Variants in CHN1 observed in about 807,000 individuals in gnomAD.
CHN1 encodes the protein N-chimaerin.
CHN1 carries 37 observed loss-of-function variants against 59.5 expected under a neutral mutation model. The ratio of observed to expected loss-of-function variants is 0.62; its 90% confidence interval spans 0.48 to 0.82. CHN1 has a LOEUF of 0.82. Ranked by LOEUF, CHN1 falls within the 40% of genes least tolerant of loss-of-function variation. The pLI is 0.00. For missense variants in CHN1, 469 were observed against 571.0 expected (o/e 0.82, Z 1.82); for synonymous variants, 206 against 200.4 (o/e 1.03, Z -0.24).
intron 1 of CHN1, among the ~76,000 whole-genome samples, chr2:174,978,024 T>C (rs1242274369): frequency 2.0e-5 from 3 of 152,206 alleles, no homozygotes; most frequent in Non-Finnish European, 4.4e-5. Flanking sequence ...TGTCAAAGTA[T>C]ATAAAGATTT....
chr2:174,819,318 C>G (rs1685397168), intron 8 of CHN1, among the ~76,000 whole-genome samples: 1 of 152,194 alleles, frequency 6.6e-6, no homozygotes, highest in South Asian at 2.1e-4. Context: ...TAAATACTTA[C>G]AGTTTATTAT....
At chr2:174,849,648 T>C (rs932635664) in intron 6 of CHN1, among the ~76,000 whole-genome samples, 2 of 152,200 alleles carry the variant, frequency 1.3e-5, no homozygotes, top group East Asian at 1.9e-4. Context: ...TACTCATATA[T>C]AGAATCTATT....
chr2:174,887,704 C>A (rs538333705), intron 5 of CHN1, among the ~76,000 whole-genome samples: 1 of 152,290 alleles, frequency 6.6e-6, no homozygotes, highest in South Asian at 2.1e-4. Flanking sequence ...GGCTATGTAT[C>A]TTTTAGAGCA....
chr2:174,914,740 G>C (rs1005554240), intron 5 of CHN1, among the ~76,000 whole-genome samples: 7 of 151,558 alleles, frequency 4.6e-5, no homozygotes, highest in Admixed American at 1.3e-4. Flanking sequence ...CTACTCGGGA[G>C]GCTGAGGCAG....
intron 3 of CHN1, among the ~76,000 whole-genome samples, chr2:174,923,509 C>A (rs951663909): frequency 4.6e-5 from 7 of 152,070 alleles, no homozygotes; most frequent in African/African-American, 1.7e-4. Flanking sequence ...GAATGGGGTC[C>A]CCCAACATTT....
chr2:174,986,578 T>C (rs1309953835), intron 1 of CHN1, among the ~76,000 whole-genome samples: 1 of 152,074 alleles, frequency 6.6e-6, no homozygotes, highest in Non-Finnish European at 1.5e-5. Flanking sequence ...CACGTGGTTC[T>C]ACTTATAAAC....
At chr2:174,829,961 TATG>T (rs1685816082) in intron 7 of CHN1, among the ~76,000 whole-genome samples, 1 of 152,208 alleles carries the variant, frequency 6.6e-6, no homozygotes, top group South Asian at 2.1e-4. Context: ...TTTTGGTCCA[TATG>T]ATATGGAATT....
chr2:174,845,560 A>G (rs1451856504), intron 7 of CHN1, among the ~76,000 whole-genome samples: 4 of 152,156 alleles, frequency 2.6e-5, no homozygotes, highest in African/African-American at 9.6e-5. Flanking sequence ...AGTTGCCTCT[A>G]TTTCATTTTA....
chr2:174,992,826 G>A (rs1691585976), intron 1 of CHN1, among the ~76,000 whole-genome samples: 1 of 151,622 alleles, frequency 6.6e-6, no homozygotes, highest in South Asian at 2.1e-4. Context: ...TTAAGAGACA[G>A]AGTCTGACTC....
Position 174,915,078 on chromosome 2 carries a change from C to T in CHN1, c.240G>A (p.Gly80=). Residue 80 remains glycine, a synonymous_variant, in exon 5 of 13, where the codon GGG becomes GGA. Transcript: ENST00000409900. ...CCAACCTTAAAGCCAAAGTGTAGGTCCCTGGCTGCCGCTGGCTCTCCCGGA... is the reference window on the plus strand; with the variant it reads ...CCAACCTTAAAGCCAAAGTGTAGGTTCCTGGCTGCCGCTGGCTCTCCCGGA... ...YLIRESQRQP[G]TYTLALRFGS... The T allele has an allele frequency of 6.2e-7, 1 of 1,611,416 alleles. No individual in the cohort carries two copies. The highest frequency in any genetic ancestry group is 1.1e-5 in the South Asian group (1 of 90,194).
intron 1 of CHN1, among the ~76,000 whole-genome samples, chr2:174,965,989 T>C (rs555755509): frequency 2.0e-5 from 3 of 152,258 alleles, no homozygotes; most frequent in Admixed American, 6.5e-5. Context: ...ACAGTGAAAA[T>C]GGCTCCTAAT....
At chr2:174,910,219 C>A (rs1688651583) in intron 5 of CHN1, among the ~76,000 whole-genome samples, 1 of 152,042 alleles carries the variant, frequency 6.6e-6, no homozygotes, top group Non-Finnish European at 1.5e-5. Flanking sequence ...GAAATACATA[C>A]AATGTTTATT....
At chr2:174,875,611 C>CTA (rs1232707503) in intron 6 of CHN1, among the ~76,000 whole-genome samples, 4 of 152,328 alleles carry the variant, frequency 2.6e-5, no homozygotes, top group African/African-American at 9.6e-5. Context: ...AATTCCAACA[C>CTA]TAGTATCTTT....
At chr2:174,911,719 A>G (rs569523763) in intron 5 of CHN1, among the ~76,000 whole-genome samples, 1 of 152,322 alleles carries the variant, frequency 6.6e-6, no homozygotes, top group East Asian at 1.9e-4. Flanking sequence ...ACTCCCCTAA[A>G]CAGCACCTCA....
chr2:174,930,272 G>A (rs1488514439), intron 3 of CHN1, among the ~76,000 whole-genome samples: 3 of 152,188 alleles, frequency 2.0e-5, no homozygotes, highest in African/African-American at 4.8e-5. Flanking sequence ...AAAGCAAAGT[G>A]CATGACATAA....
At position 174,868,095 on chromosome 2, in the gene CHN1, T is replaced by C. The variant is rs528603688; in HGVS notation, c.549+9745A>G. 2.2e-4 allele frequency among the ~76,000 whole-genome samples: 33 copies of C among 152,328 alleles called. No individual in the cohort carries two copies. In the East Asian group the frequency reaches 2.3e-3, roughly 11 times the overall value. Reference sequence around the variant, plus strand: ...CTTCCTTCTTTCTTTGTTTTTCATATCTTTCTAATTTTTTATGAAGAGCTT... The same window carrying C: ...CTTCCTTCTTTCTTTGTTTTTCATACCTTTCTAATTTTTTATGAAGAGCTT... On this transcript the variant is annotated intron_variant, in intron 6 of 12. Coordinates refer to ENST00000409900, the MANE Select transcript of CHN1 (RefSeq NM_001822.7).
At chr2:174,951,810 T>A (rs2105412689) in intron 2 of CHN1, among the ~76,000 whole-genome samples, 1 of 152,326 alleles carries the variant, frequency 6.6e-6, no homozygotes, top group Non-Finnish European at 1.5e-5. Flanking sequence ...CATTTAAATA[T>A]TCCTTTCTTC....
chr2:174,910,894 C>T lies in CHN1; in HGVS notation c.260+4164G>A, dbSNP rs1211724220. 1.5e-3 allele frequency among the ~76,000 whole-genome samples: 158 copies of T among 103,002 alleles called. 1 individual carries two copies. The highest frequency in any genetic ancestry group is 5.7e-3 in the African/African-American group (138 of 24,030). 67.6% of individuals were successfully genotyped at this position (103,002 alleles called of 152,430 possible). On this transcript the variant is annotated intron_variant, in intron 5 of 12. Coordinates refer to ENST00000409900, the MANE Select transcript of CHN1 (RefSeq NM_001822.7). ...CCGCCTGGGCGACAGAACGAGACTC[C>T]GTCTCAAAAAAAAAAAAAAAAAAAA...
intron 3 of CHN1, among the ~76,000 whole-genome samples, chr2:174,923,341 C>T (rs71419406): frequency 0.098 from 14,838 of 152,030 alleles, 1,591 homozygotes; most frequent in African/African-American, 0.27. Context: ...GGGGTTTCAC[C>T]GTGTTAGCCA....
Sources: allele counts gnomAD v4.1 joint callset (sites outside exome capture counted in the v4.1 genomes callset), GRCh38; gene constraint gnomAD v4.1.1; transcripts MANE v1.5; gene names NCBI Gene and HGNC (gene_info 2026-07-23, HGNC 2026-07-21).